The following GAREM1 variants were observed in gnomAD, a reference collection of about 807,000 sequenced individuals.
The protein encoded by GAREM1 is GRB2-associated and regulator of MAPK protein 1.
In GAREM1, 26 loss-of-function variants were observed where a neutral mutation model predicts 71.3. The observed-to-expected ratio is 0.36, with a 90% confidence interval of 0.27 to 0.51. The LOEUF (loss-of-function observed/expected upper bound fraction) is 0.51, where lower values mean the gene tolerates loss of function less well. GAREM1 is among the 20% of genes least tolerant of loss of function. The probability of loss-of-function intolerance (pLI) is 0.95; values close to 1 mark genes in which losing one functional copy is unlikely to be tolerated. For missense variants in GAREM1, 1,026 were observed against 1,103.1 expected, an observed-to-expected ratio of 0.93 and a Z score of 0.99; for synonymous variants, 440 against 433.2, an observed-to-expected ratio of 1.02 and a Z score of -0.20.
chr18:32,385,500 C>G (rs2048137715), intron 2 of GAREM1, among the ~76,000 whole-genome samples: 1 of 152,094 alleles, frequency 6.6e-6, no homozygotes, highest in South Asian at 2.1e-4. Context: ...GGAATCTCTT[C>G]CCAGAAATTT....
rs901300848 is a variant in GAREM1, at chr18:32,333,423, C to A, written c.263-23100G>T. Among the ~76,000 whole-genome samples, 5 of 152,110 alleles carry A rather than the reference C, an allele frequency of 3.3e-5. No individual in the cohort carries two copies. The East Asian group carries it at 9.6e-4, about 29-fold the overall frequency. Reference sequence around the variant, plus strand: ...GGGCTACAGAGGGCCAAGGAGCAGACAAGGGAAAGACCATGGGTCTGATGG... The same window carrying A: ...GGGCTACAGAGGGCCAAGGAGCAGAAAAGGGAAAGACCATGGGTCTGATGG... On this transcript the variant is annotated intron_variant, in intron 2 of 5. Transcript: ENST00000269209.
chr18:32,302,295 C>T (rs1049025136), intron 3 of GAREM1, among the ~76,000 whole-genome samples: 3 of 152,180 alleles, frequency 2.0e-5, no homozygotes, highest in Non-Finnish European at 4.4e-5. Flanking sequence ...GATTAGGCAA[C>T]GTCTAAGGGC....
chr18:32,405,428 C>T (rs926634627), intron 1 of GAREM1, among the ~76,000 whole-genome samples: 6 of 152,002 alleles, frequency 3.9e-5, no homozygotes, highest in Admixed American at 2.0e-4. Flanking sequence ...AAACTCCTGA[C>T]CTCAACTGAT....
At chr18:32,308,165 AAG>A (rs2047275340) in intron 3 of GAREM1, among the ~76,000 whole-genome samples, 1 of 152,212 alleles carries the variant, frequency 6.6e-6, no homozygotes, top group African/African-American at 2.4e-5. Context: ...TGGATGCTAT[AAG>A]CTCATACTTC....
chr18:32,429,232 T>C (rs1363473018), intron 1 of GAREM1, among the ~76,000 whole-genome samples: 3 of 152,210 alleles, frequency 2.0e-5, no homozygotes, highest in Admixed American at 1.3e-4. Flanking sequence ...TAAAACTATA[T>C]GTCATTCTAC....
intron 4 of GAREM1, among the ~76,000 whole-genome samples, chr18:32,286,160 G>A (rs1051514528): frequency 1.3e-5 from 2 of 152,186 alleles, no homozygotes; most frequent in Non-Finnish European, 2.9e-5. Context: ...GAGTAGCAAA[G>A]GTTCAGAGTG....
At chr18:32,353,620 T>C (rs1159740152) in intron 2 of GAREM1, among the ~76,000 whole-genome samples, 1 of 152,126 alleles carries the variant, frequency 6.6e-6, no homozygotes, top group Non-Finnish European at 1.5e-5. Context: ...AACTTAAAGT[T>C]TACCAACAGA....
At chr18:32,363,927 T>C (rs1402707223) in intron 2 of GAREM1, among the ~76,000 whole-genome samples, 2 of 131,090 alleles carry the variant, frequency 1.5e-5, no homozygotes, top group African/African-American at 5.8e-5. Flanking sequence ...CATAAAAAAA[T>C]ATATATACAC....
At position 32,287,270 on chromosome 18, in the gene GAREM1, C is replaced by G. The variant is rs375128710; in HGVS notation, c.1327G>C (p.Ala443Pro). Residue 443 changes from alanine to proline, a missense_variant, in exon 4 of 6, where the codon GCA becomes CCA. Ala to Pro is a conservative substitution (Grantham distance 27). This residue lies in a region of GAREM1 where 636 missense variants were observed against 631.2 expected (regional missense o/e 1.01). Transcript: ENST00000269209. The surrounding 1 kb of genome is among the most constrained non-coding windows in gnomAD (Gnocchi z 5.9). ...YLFPEASEES[A>P]GIPGKSELPY... ...AGTTCTGACTTTCCCGGGATGCCTG[C>G]TGATTCTTCACTAGCTTCTGGGAAA... The G allele has an allele frequency of 6.2e-7, 1 of 1,614,206 alleles. No homozygotes were observed. Among genetic ancestry groups the G allele is most frequent in the African/African-American group, 1.3e-5 (1 of 75,068 alleles).
intron 4 of GAREM1, among the ~76,000 whole-genome samples, chr18:32,274,395 G>A (rs748459050): frequency 2.6e-5 from 4 of 152,104 alleles, no homozygotes; most frequent in Non-Finnish European, 4.4e-5. Context: ...AAGACTAGAC[G>A]GTCAATCACC....
rs1241528281 is a variant in GAREM1 at position 32,350,361 on chromosome 18, A to AT, written c.263-40039dup. Among the ~76,000 whole-genome samples, 14 of 152,290 alleles carry AT rather than the reference A, an allele frequency of 9.2e-5. No homozygotes were observed. In the South Asian group the frequency reaches 1.5e-3, roughly 16 times the overall value. On this transcript the variant is annotated intron_variant, in intron 2 of 5. Coordinates refer to ENST00000269209, the MANE Select transcript of GAREM1 (RefSeq NM_001242409.2). ...ACTACTATTACAATGCACTGATTAG[A>AT]TTTTTTGTTGGTTTCTTAAAATTAT... is the stretch of plus-strand genomic sequence containing the variant.
At chr18:32,367,782 AG>A in intron 2 of GAREM1, among the ~76,000 whole-genome samples, 1 of 152,120 alleles carries the variant, frequency 6.6e-6, no homozygotes, top group Non-Finnish European at 1.5e-5. Flanking sequence ...GGAGATAAGG[AG>A]GAGAAGCCAA....
intron 5 of GAREM1, among the ~76,000 whole-genome samples, chr18:32,269,072 G>T: frequency 6.6e-6 from 1 of 152,164 alleles, no homozygotes; most frequent in East Asian, 1.9e-4. Context: ...ATTAAGTCAC[G>T]TGTAGGCTCT....
rs188875046 is a variant in GAREM1 at position 32,416,053 on chromosome 18, A to G, written c.122-23018T>C. Among the ~76,000 whole-genome samples, 118 of 152,304 alleles carry G rather than the reference A, an allele frequency of 7.7e-4. 1 individual carries two copies. In the East Asian group the frequency reaches 0.018, roughly 24 times the overall value. ...CAGGATACAAAATCAACATACAAAA[A>G]TCAATGGCATTTCTATATGCCAACA... On this transcript the variant is annotated intron_variant, in intron 1 of 5. Coordinates refer to ENST00000269209, the MANE Select transcript of GAREM1 (RefSeq NM_001242409.2).
rs188209243 is a variant in GAREM1 at position 32,275,005 on chromosome 18, C to T, written c.1567-4622G>A. Among the ~76,000 whole-genome samples the T allele has an allele frequency of 1.3e-3, 197 of 151,060 alleles. 1 individual carries two copies. In the Middle Eastern group the frequency reaches 0.014, roughly 11 times the overall value. On this transcript the variant is annotated intron_variant, in intron 4 of 5. Coordinates refer to ENST00000269209, the MANE Select transcript of GAREM1 (RefSeq NM_001242409.2). The stretch of plus-strand genomic sequence containing the variant: ...AAAAAACCCATATACCATAGAATAT[C>T]TTTTATATGTTTATGTGGAAATTAT...
At chr18:32,351,796 A>G (rs2144593197) in intron 2 of GAREM1, among the ~76,000 whole-genome samples, 1 of 152,144 alleles carries the variant, frequency 6.6e-6, no homozygotes, top group Non-Finnish European at 1.5e-5. Context: ...ACCAAGGTTT[A>G]GGCCTGACCG....
In GAREM1 at chr18:32,267,645, T is replaced by C. The variant is rs2041392319; in HGVS notation, c.*226A>G. 9.2e-6 allele frequency: 4 copies of C among 433,522 alleles called. No homozygotes were observed. The highest frequency in any genetic ancestry group is 1.2e-3 in the Middle Eastern group (2 of 1,680). The allele number at this position is 433,522 out of a possible 1,614,324, so 26.9% of individuals were successfully genotyped here. Reference sequence around the variant, plus strand: ...TCTTTTAGCAGCTGCTGAGTGTTTGTTGAGTGACGTACAAGGCACACCTCC... The same window carrying C: ...TCTTTTAGCAGCTGCTGAGTGTTTGCTGAGTGACGTACAAGGCACACCTCC... On this transcript the variant is annotated 3_prime_UTR_variant, in exon 6 of 6. Transcript: ENST00000269209.
intron 1 of GAREM1, among the ~76,000 whole-genome samples, chr18:32,395,386 G>A (rs1401954239): frequency 6.6e-6 from 1 of 152,194 alleles, no homozygotes; most frequent in Non-Finnish European, 1.5e-5. Context: ...GGAGAAGACA[G>A]CCAATACCAA....
intron 4 of GAREM1, among the ~76,000 whole-genome samples, chr18:32,279,653 T>C (rs2041588296): frequency 1.3e-5 from 2 of 152,104 alleles, no homozygotes. Context: ...GTAATAATAA[T>C]AGAAATAAAG....
Sources: allele counts gnomAD v4.1 joint callset (sites outside exome capture counted in the v4.1 genomes callset), GRCh38; gene constraint gnomAD v4.1.1; regional missense constraint gnomAD v4.1.1; non-coding constraint Gnocchi (gnomAD v3.1); transcripts MANE v1.5; gene names NCBI Gene and HGNC (gene_info 2026-07-23, HGNC 2026-07-21).